JAK2: variants seen among roughly 807,000 people sequenced by gnomAD.
JAK2 encodes Janus kinase 2, also known as tyrosine-protein kinase JAK2.
JAK2 carries 86 observed loss-of-function variants against 139.3 expected under a neutral mutation model. The ratio of observed to expected loss-of-function variants is 0.62; its 90% CI spans 0.52 to 0.74. JAK2 has a LOEUF of 0.74. JAK2 is among the 30% of genes least tolerant of loss of function. JAK2 has a pLI of 0.00. For synonymous variants in JAK2, 490 were observed against 437.7 expected, an observed-to-expected ratio of 1.12 and a Z score of -1.49; for missense variants, 1,421 against 1,360.3, an observed-to-expected ratio of 1.04 and a Z score of -0.70.
At chr9:5,094,028 G>A (rs193038258) in intron 22 of JAK2, 13 of 152,300 alleles carry the variant, frequency 8.5e-5, no homozygotes, top group African/African-American at 3.1e-4. Context: ...GGTTTCTTAA[G>A]ATGGCGGAGC....
Position 5,128,988 on chromosome 9 carries a change from T to C in JAK2, c.*2197T>C, listed in dbSNP as rs770350849. ...TTTCCATGGGTACTTGTTTGGAAAA[T>C]AGTCACTTTTTCACGCTATTTATAT... On this transcript the variant is annotated 3_prime_UTR_variant, in exon 25 of 25. Coordinates refer to ENST00000381652, the MANE Select transcript of JAK2 (RefSeq NM_004972.4). Among the ~76,000 whole-genome samples, 96 of 152,106 alleles carry C rather than the reference T, an allele frequency of 6.3e-4. No individual in the cohort carries two copies. Among genetic ancestry groups the C allele is most frequent in the Admixed American group, 1.4e-3 (22 of 15,280 alleles).
intron 11 of JAK2, among the ~76,000 whole-genome samples, chr9:5,069,636 A>C (rs1439781364): frequency 6.6e-6 from 1 of 152,144 alleles, no homozygotes; most frequent in Non-Finnish European, 1.5e-5. Context: ...GTATGAGTTA[A>C]GGAAGTTACT....
chr9:5,096,388 C>G (rs747655518), intron 22 of JAK2, among the ~76,000 whole-genome samples: 25 of 152,202 alleles, frequency 1.6e-4, no homozygotes, highest in Non-Finnish European at 2.8e-4. Flanking sequence ...AAATCAACCA[C>G]TTTAATTAAG....
chr9:5,088,310 C>G (rs573004814), intron 19 of JAK2, among the ~76,000 whole-genome samples: 17 of 152,248 alleles, frequency 1.1e-4, no homozygotes, highest in African/African-American at 4.1e-4. Context: ...CCTACATGGT[C>G]TAGGTTTTTT....
Position 5,055,063 on chromosome 9 carries a change from G to T in JAK2, c.936+179G>T, listed in dbSNP as rs369500002. ...ATTCTTTGCCTACTATTCTTAAATG[G>T]TTTTTTCATTTAATTTTTTATGACA... On this transcript the variant is annotated intron_variant, in intron 7 of 24. Transcript: ENST00000381652. Among the ~76,000 whole-genome samples the T allele has an allele frequency of 6.7e-4, 102 of 151,946 alleles. 1 individual carries two copies. In the East Asian group the frequency reaches 0.019, roughly 29 times the overall value.
intron 2 of JAK2, among the ~76,000 whole-genome samples, chr9:5,014,814 G>A (rs1388125839): frequency 6.6e-6 from 1 of 152,138 alleles, no homozygotes. Context: ...CTAGAATGTT[G>A]CCAGCAATTT....
chr9:5,052,985 T>A (rs1302073823), intron 6 of JAK2, among the ~76,000 whole-genome samples: 1 of 152,052 alleles, frequency 6.6e-6, no homozygotes, highest in Admixed American at 6.6e-5. Context: ...GTGGATGTAT[T>A]TTTTTCATTT....
At chr9:5,088,114 C>G (rs992454228) in intron 19 of JAK2, among the ~76,000 whole-genome samples, 1 of 152,136 alleles carries the variant, frequency 6.6e-6, no homozygotes, top group Non-Finnish European at 1.5e-5. Flanking sequence ...TTATTATTCT[C>G]CACTTTAAGG....
intron 2 of JAK2, among the ~76,000 whole-genome samples, chr9:5,001,332 G>T (rs776186987): frequency 2.6e-5 from 4 of 152,076 alleles, no homozygotes; most frequent in Non-Finnish European, 5.9e-5. Flanking sequence ...GTTTGTAGAT[G>T]ATCTTTATTT....
chr9:5,027,697 G>C (rs1822868630), intron 3 of JAK2, among the ~76,000 whole-genome samples: 1 of 152,162 alleles, frequency 6.6e-6, no homozygotes, highest in Non-Finnish European at 1.5e-5. Flanking sequence ...TGATTAAGTT[G>C]ATGTAGTATT....
Position 5,054,469 on chromosome 9 carries a change from A to G in JAK2, c.615-94A>G. The G allele has an allele frequency of 9.4e-7, 1 of 1,063,428 alleles. No homozygotes were observed. Among genetic ancestry groups the G allele is most frequent in the African/African-American group, 1.6e-5 (1 of 62,806 alleles). The allele number at this position is 1,063,428 out of a possible 1,614,324, so 65.9% of individuals were successfully genotyped here. ...ACTGTGTTGTAAGGCCTACTTAATC[A>G]TGGAAAAAGGTGGTAACTTCTTTTT... On this transcript the variant is annotated intron_variant, in intron 6 of 24. Coordinates refer to ENST00000381652, the MANE Select transcript of JAK2 (RefSeq NM_004972.4). This position sits in a 1 kb window ranked among gnomAD's most constrained non-coding sequence, Gnocchi z 4.9.
At chr9:5,079,498 G>GTT (rs113012776) in intron 16 of JAK2, among the ~76,000 whole-genome samples, 8 of 145,916 alleles carry the variant, frequency 5.5e-5, no homozygotes, top group African/African-American at 7.4e-5. Context: ...TGGTCCTTGG[G>GTT]TTTTTTTTTT....
At chr9:5,086,874 G>A (rs28674503) in intron 19 of JAK2, among the ~76,000 whole-genome samples, 1 of 152,068 alleles carries the variant, frequency 6.6e-6, no homozygotes, top group Non-Finnish European at 1.5e-5. Context: ...TATCAAGCGC[G>A]TTTAAATGTT....
At chr9:5,115,225 A>G (rs1251077204) in intron 22 of JAK2, among the ~76,000 whole-genome samples, 1 of 152,216 alleles carries the variant, frequency 6.6e-6, no homozygotes, top group Non-Finnish European at 1.5e-5. Flanking sequence ...CAAGAAAAAA[A>G]CAACCCCATC....
intron 3 of JAK2, among the ~76,000 whole-genome samples, chr9:5,028,936 G>T (rs568536922): frequency 2.6e-5 from 4 of 152,262 alleles, no homozygotes; most frequent in South Asian, 2.1e-4. Flanking sequence ...AGGCTGTTTT[G>T]CTCTCTTATC....
chr9:5,091,619 A>G (rs896682988), intron 22 of JAK2: 1 of 152,224 alleles, frequency 6.6e-6, no homozygotes, highest in African/African-American at 2.4e-5. Context: ...GATAATTAAT[A>G]GTAGAGTTTA....
chr9:4,996,928 C>CTTTTTTTTTTTT (rs1166992356), intron 2 of JAK2, among the ~76,000 whole-genome samples: 1 of 94,706 alleles, frequency 1.1e-5, no homozygotes, highest in Non-Finnish European at 2.0e-5. Flanking sequence ...TTAGTTTGTT[C>CTTTTTTTTTTTT]TTTTTTTTTT....
chr9:5,051,644 A>G (rs181698512), intron 6 of JAK2, among the ~76,000 whole-genome samples: 12 of 152,300 alleles, frequency 7.9e-5, no homozygotes, highest in Admixed American at 4.6e-4. Flanking sequence ...AAAGGTATAT[A>G]TAAGAATGGT....
At chr9:5,115,373 G>A (rs376529192) in intron 22 of JAK2, among the ~76,000 whole-genome samples, 1 of 152,138 alleles carries the variant, frequency 6.6e-6, no homozygotes, top group Non-Finnish European at 1.5e-5. Context: ...ACCATCTCAT[G>A]CCAGTTAGAA....
Sources: gnomAD v4.1 joint callset for allele counts (sites outside exome capture counted in the v4.1 genomes callset) on GRCh38, gnomAD v4.1.1 for gene constraint, Gnocchi (gnomAD v3.1) non-coding constraint, MANE v1.5 for transcripts, NCBI Gene and HGNC (gene_info 2026-07-23, HGNC 2026-07-21) for gene names.